Variants in COL6A5 observed in about 807,000 individuals in gnomAD.
The protein encoded by COL6A5 is collagen type VI alpha 5 chain.
COL6A5 carries 48 observed loss-of-function variants against 65.6 expected under a neutral mutation model. The observed-to-expected ratio is 0.73, with a 90% CI of 0.58 to 0.93. The LOEUF (loss-of-function observed/expected upper bound fraction) is 0.93. Ranked by LOEUF, COL6A5 falls within the 40% of genes least tolerant of loss-of-function variation. The pLI, the probability that COL6A5 is intolerant of heterozygous loss-of-function variation, is 0.00. For synonymous variants in COL6A5, 291 were observed against 322.8 expected, an observed-to-expected ratio of 0.90 and a Z score of 1.05; for missense variants, 914 against 928.3, an observed-to-expected ratio of 0.98 and a Z score of 0.20.
intron 1 of COL6A5, among the ~76,000 whole-genome samples, chr3:130,435,381 C>T (rs1225480024): frequency 6.6e-6 from 1 of 152,104 alleles, no homozygotes; most frequent in Non-Finnish European, 1.5e-5. Flanking sequence ...CATGATGCCT[C>T]CAGCTTTGTT....
chr3:130,365,423 G>T (rs1479652841), intron 1 of COL6A5, among the ~76,000 whole-genome samples: 1 of 152,044 alleles, frequency 6.6e-6, no homozygotes. Context: ...GACTACAGGC[G>T]CCCGCTACTA....
At chr3:130,416,340 C>T (rs1261755842) in intron 23 of COL6A5, among the ~76,000 whole-genome samples, 1 of 152,062 alleles carries the variant, frequency 6.6e-6, no homozygotes, top group African/African-American at 2.4e-5. Flanking sequence ...CACGTCTGCC[C>T]ATTTTTTTAT....
rs147422029 is a variant in COL6A5, at chr3:130,375,682, G to C, written c.68-555G>C. 3.1e-3 allele frequency among the ~76,000 whole-genome samples: 479 copies of C among 152,160 alleles called. 3 individuals are homozygous for C. Among genetic ancestry groups the C allele is most frequent in the African/African-American group, 0.011 (445 of 41,524 alleles). Reference sequence around the variant, plus strand: ...GGTTTAATTGACTCAGTTCCTCATGGCTGGGGAGGCCCCAGCAAAATTACA... The same window carrying C: ...GGTTTAATTGACTCAGTTCCTCATGCCTGGGGAGGCCCCAGCAAAATTACA... On this transcript the variant is annotated intron_variant and NMD_transcript_variant, in intron 2 of 41. Coordinates refer to the COL6A5 transcript ENST00000312481.
rs969495203 is a variant in COL6A5 at position 130,410,133 on chromosome 3, T to C, written c.4608+59T>C. On this transcript the variant is annotated intron_variant and NMD_transcript_variant, in intron 19 of 41. Transcript: ENST00000312481. The stretch of plus-strand genomic sequence containing the variant: ...ATTCTGTTATTGATCCAAGTAAATT[T>C]AGTAAGATATGTAACCCTTCTGTAA... The C allele has an allele frequency of 3.2e-6, 4 of 1,247,438 alleles. No homozygotes were observed. In the African/African-American group the frequency reaches 6.0e-5, roughly 19 times the overall value. 77.3% of individuals were successfully genotyped at this position (1,247,438 alleles called of 1,614,324 possible).
intron 1 of COL6A5, 70 bp from the exon 34 acceptor site, chr3:130,439,452 C>CT: frequency 1.8e-6 from 2 of 1,126,304 alleles, no homozygotes; most frequent in Non-Finnish European, 1.3e-6. Context: ...TTAAACTAAT[C>CT]CTTAAAGTGG....
At position 130,405,563 on chromosome 3, in the gene COL6A5, T is replaced by A. The variant is rs184830029; in HGVS notation, c.4282-25T>A. 2.0e-6 allele frequency: 3 copies of A among 1,537,060 alleles called. No homozygotes were observed. The African/African-American group carries it at 4.1e-5, about 21-fold the overall frequency. On this transcript the variant is annotated intron_variant and NMD_transcript_variant, in intron 13 of 41. Coordinates refer to the COL6A5 transcript ENST00000312481. The stretch of plus-strand genomic sequence containing the variant: ...CTTCTGGCAAAAACATCACTTTGGG[T>A]ACCTGTCTGTGCTCCTTTTCTTAGG...
At chr3:130,452,544 C>T (rs543628313) in intron 4 of COL6A5, among the ~76,000 whole-genome samples, 123 of 152,130 alleles carry the variant, frequency 8.1e-4, no homozygotes, top group African/African-American at 2.5e-3. Flanking sequence ...AGGGAGTGTA[C>T]GAATAGGGTG....
chr3:130,429,622 T>C (rs1577501036), upstream of COL6A5: 1 of 1,519,166 alleles, frequency 6.6e-7, no homozygotes, highest in Non-Finnish European at 8.8e-7. Flanking sequence ...GCTGAGATCA[T>C]TACTGCTGCA....
chr3:130,480,001 G>A (rs985658416), intron 7 of COL6A5, among the ~76,000 whole-genome samples: 1 of 151,836 alleles, frequency 6.6e-6, no homozygotes, highest in African/African-American at 2.4e-5. Flanking sequence ...GTGATTTTCG[G>A]GATATGATTC....
intron 20 of COL6A5, 54 bp from the exon 21 acceptor site, chr3:130,413,491 G>A (rs1937241930): frequency 6.7e-7 from 1 of 1,503,318 alleles, no homozygotes; most frequent in East Asian, 2.5e-5. Flanking sequence ...TTTGCCTCAA[G>A]GAACCCCTCC....
chr3:130,373,755 TC>T (rs1391293118), intron 2 of COL6A5, 50 bp downstream of exon 2: 1 of 1,138,328 alleles, frequency 8.8e-7, no homozygotes, highest in African/African-American at 1.6e-5. Flanking sequence ...TTTTTACATC[TC>T]AGTAAACTTT....
chr3:130,409,488 T>C, intron 18 of COL6A5, 100 bp downstream of exon 18: 2 of 1,041,824 alleles, frequency 1.9e-6, no homozygotes, highest in Non-Finnish European at 2.8e-6. Context: ...AGGCAAATGG[T>C]TGTCTTAGGA....
At chr3:130,402,136 G>A (rs1936837443) in intron 12 of COL6A5, among the ~76,000 whole-genome samples, 1 of 152,148 alleles carries the variant, frequency 6.6e-6, no homozygotes, top group African/African-American at 2.4e-5. Context: ...AAGGTGGTAA[G>A]AAGTAAAAAA....
At chr3:130,373,618 G>C in exon 2 of COL6A5, 2 of 1,450,600 alleles carry the variant, frequency 1.4e-6, no homozygotes, top group South Asian at 1.3e-5. Flanking sequence ...CAGAACAAAA[G>C]TAAAAATCTT....
chr3:130,371,308 C>A (rs1174136465), intron 1 of COL6A5, among the ~76,000 whole-genome samples: 2 of 146,768 alleles, frequency 1.4e-5, no homozygotes, highest in African/African-American at 5.0e-5. Flanking sequence ...TTTTTTTTTT[C>A]AGAAATTGAC....
At chr3:130,376,568 G>A (rs779952685) in exon 3 of COL6A5, 1 of 1,605,830 alleles carries the variant, frequency 6.2e-7, no homozygotes. Context: ...ACAGGAAACA[G>A]TTTCCCCCAA....
chr3:130,374,139 C>A (rs928645491), intron 2 of COL6A5, among the ~76,000 whole-genome samples: 3 of 152,164 alleles, frequency 2.0e-5, no homozygotes, highest in Non-Finnish European at 4.4e-5. Context: ...CACACACAGT[C>A]ATACGTCACT....
exon 7 of COL6A5, chr3:130,391,245 A>C: frequency 6.4e-7 from 1 of 1,551,684 alleles, no homozygotes; most frequent in East Asian, 2.4e-5. Flanking sequence ...ATAAAAAAAC[A>C]ATATCAAGAT....
At chr3:130,365,959 G>A (rs1343697796) in intron 1 of COL6A5, among the ~76,000 whole-genome samples, 1 of 152,102 alleles carries the variant, frequency 6.6e-6, no homozygotes, top group African/African-American at 2.4e-5. Context: ...TGAGAAGAGC[G>A]AGCCAAGCCA....
Sources: allele counts gnomAD v4.1 joint callset (sites outside exome capture counted in the v4.1 genomes callset), GRCh38; gene constraint gnomAD v4.1.1; transcripts MANE v1.5; gene names NCBI Gene and HGNC (gene_info 2026-07-23, HGNC 2026-07-21).